The following PLCH1 variants were observed in gnomAD, a reference collection of about 807,000 sequenced individuals.
The protein encoded by PLCH1 is 1-phosphatidylinositol 4,5-bisphosphate phosphodiesterase eta-1.
Under a neutral mutation model 126.7 loss-of-function variants are expected in PLCH1, and 60 were observed. The observed-to-expected ratio is 0.47, with a 90% CI of 0.38 to 0.59. PLCH1 has a LOEUF of 0.59. PLCH1 is among the 20% of genes least tolerant of loss of function. PLCH1 has a pLI of 0.00. For missense variants in PLCH1, 1,723 were observed against 2,040.0 expected (o/e 0.84, Z 2.99); for synonymous variants, 719 against 734.9 (o/e 0.98, Z 0.35).
chr3:155,671,426 T>C (rs189313506), intron 2 of PLCH1, among the ~76,000 whole-genome samples: 1 of 152,352 alleles, frequency 6.6e-6, no homozygotes, highest in African/African-American at 2.4e-5. Context: ...GTTACTTTGA[T>C]GAGCATTTAT....
chr3:155,458,491 A>T lies in PLCH1; in HGVS notation c.2938+26865T>A, dbSNP rs1173198555. On this transcript the variant is annotated intron_variant, in intron 21 of 21. Transcript: ENST00000494598. ...GAAAGAAAGAAAGAAAGAAAGAAAG[A>T]AAGAAAGAGAAAGAAGAGAGAGAAA... Among the ~76,000 whole-genome samples the T allele has an allele frequency of 7.5e-5, 8 of 106,934 alleles. 1 individual carries two copies. In the South Asian group the frequency reaches 7.9e-4, roughly 11 times the overall value. The allele number at this position is 106,934 out of a possible 152,430, so 70.2% of individuals were successfully genotyped here.
At chr3:155,556,077 G>A (rs1372004577) in intron 8 of PLCH1, among the ~76,000 whole-genome samples, 1 of 152,104 alleles carries the variant, frequency 6.6e-6, no homozygotes, top group African/African-American at 2.4e-5. Flanking sequence ...ACTACAATAT[G>A]GGTCAAACAT....
chr3:155,634,599 GAAC>G (rs1043653443), intron 2 of PLCH1, among the ~76,000 whole-genome samples: 13 of 152,174 alleles, frequency 8.5e-5, no homozygotes, highest in African/African-American at 3.1e-4. Context: ...TCACTGTCTA[GAAC>G]AACTGGCTGA....
chr3:155,663,244 T>G (rs1437476207), intron 2 of PLCH1, among the ~76,000 whole-genome samples: 1 of 152,226 alleles, frequency 6.6e-6, no homozygotes, highest in Non-Finnish European at 1.5e-5. Context: ...TTCTACATCC[T>G]CTTAAAATCT....
chr3:155,516,016 T>C (rs1024176775), intron 11 of PLCH1, among the ~76,000 whole-genome samples: 1 of 152,216 alleles, frequency 6.6e-6, no homozygotes, highest in Admixed American at 6.5e-5. Context: ...ATTTCAAAAA[T>C]CTATACCAGG....
intron 21 of PLCH1, among the ~76,000 whole-genome samples, chr3:155,462,430 A>G (rs1478712034): frequency 2.6e-5 from 4 of 152,226 alleles, no homozygotes; most frequent in African/African-American, 9.7e-5. Flanking sequence ...AGTATCAGCT[A>G]TGACCCTGAA....
intron 8 of PLCH1, among the ~76,000 whole-genome samples, 188 bp from the exon 9 acceptor site, chr3:155,554,384 CT>C (rs1205325320): frequency 6.6e-6 from 1 of 152,148 alleles, no homozygotes. Context: ...TAAAGAATTG[CT>C]TTTCCTCAAG....
chr3:155,487,328 T>G (rs575677802), intron 21 of PLCH1, among the ~76,000 whole-genome samples: 4 of 152,322 alleles, frequency 2.6e-5, no homozygotes, highest in African/African-American at 9.6e-5. Flanking sequence ...GCACGGGACA[T>G]TTCTAGGCCC....
intron 1 of PLCH1, among the ~76,000 whole-genome samples, chr3:155,737,464 A>G (rs1225629297): frequency 6.6e-6 from 1 of 151,650 alleles, no homozygotes; most frequent in Non-Finnish European, 1.5e-5. Context: ...CCCAAAGTGC[A>G]GGGATTACAA....
At chr3:155,531,771 A>G (rs1722718032) in intron 10 of PLCH1, among the ~76,000 whole-genome samples, 1 of 152,208 alleles carries the variant, frequency 6.6e-6, no homozygotes, top group Non-Finnish European at 1.5e-5. Context: ...TTCTTGCCTT[A>G]AACTTCATAT....
intron 3 of PLCH1, 71 bp downstream of exon 3, chr3:155,596,161 C>T (rs1732953183): frequency 1.8e-6 from 2 of 1,128,820 alleles, no homozygotes; most frequent in South Asian, 3.0e-5. Context: ...TCTGAAGCTT[C>T]AAGAGCCCAC....
chr3:155,551,825 T>C (rs1338320037), intron 9 of PLCH1, among the ~76,000 whole-genome samples: 1 of 152,212 alleles, frequency 6.6e-6, no homozygotes, highest in Admixed American at 6.5e-5. Context: ...AACAAGTTTA[T>C]TAACTCTTTT....
intron 1 of PLCH1, among the ~76,000 whole-genome samples, chr3:155,716,529 G>A (rs1479054570): frequency 6.6e-6 from 1 of 152,192 alleles, no homozygotes; most frequent in Non-Finnish European, 1.5e-5. Context: ...TTTACTAATG[G>A]TGGAAGATAA....
chr3:155,524,400 T>C (rs565174741), intron 10 of PLCH1, among the ~76,000 whole-genome samples: 1 of 152,296 alleles, frequency 6.6e-6, no homozygotes, highest in South Asian at 2.1e-4. Flanking sequence ...GGGAATGTAT[T>C]TAATACTACT....
intron 1 of PLCH1, among the ~76,000 whole-genome samples, chr3:155,721,097 C>T (rs776166745): frequency 2.6e-5 from 4 of 152,166 alleles, no homozygotes; most frequent in African/African-American, 7.2e-5. Context: ...ATACCAGTGC[C>T]GTGCTGTTTT....
At position 155,734,216 on chromosome 3, in the gene PLCH1, C is replaced by T. The variant is rs981639591; in HGVS notation, c.-41+10624G>A. Among the ~76,000 whole-genome samples, 8 of 151,836 alleles carry T rather than the reference C, an allele frequency of 5.3e-5. No individual in the cohort carries two copies. The South Asian group carries it at 1.7e-3, about 32-fold the overall frequency. On this transcript the variant is annotated intron_variant, in intron 1 of 22. Transcript: ENST00000460012. ...TCTCATGTTTGTAATCCCAAGACTTCGGGAGGCCAAGGTGGGAGGATCACT... is the reference window on the plus strand; with the variant it reads ...TCTCATGTTTGTAATCCCAAGACTTTGGGAGGCCAAGGTGGGAGGATCACT...
downstream of PLCH1, among the ~76,000 whole-genome samples, chr3:155,477,882 A>C (rs1354694214): frequency 6.6e-6 from 1 of 152,208 alleles, no homozygotes; most frequent in African/African-American, 2.4e-5. Flanking sequence ...ATGATCCAGC[A>C]ATACCACTTC....
rs183454136 is a variant in PLCH1, at chr3:155,517,614, T to C, written c.1471-2730A>G. On this transcript the variant is annotated intron_variant, in intron 11 of 22. Transcript: ENST00000460012. ...CATCTGTTTGTGTCTTCTCTTCTTA[T>C]GAGGACATTGTCATTGGATTTAGGG... 4.9e-4 allele frequency among the ~76,000 whole-genome samples: 74 copies of C among 152,332 alleles called. No homozygotes were observed. The Middle Eastern group carries it at 0.01, about 21-fold the overall frequency.
At chr3:155,521,914 C>T (rs1482368126) in intron 11 of PLCH1, among the ~76,000 whole-genome samples, 1 of 152,198 alleles carries the variant, frequency 6.6e-6, no homozygotes, top group Non-Finnish European at 1.5e-5. Flanking sequence ...AATGAAAGAT[C>T]ATATCTAACT....
Sources: gnomAD v4.1 joint callset for allele counts (sites outside exome capture counted in the v4.1 genomes callset) on GRCh38, gnomAD v4.1.1 for gene constraint, MANE v1.5 for transcripts, NCBI Gene and HGNC (gene_info 2026-07-23, HGNC 2026-07-21) for gene names.